Variants in REV3L observed in about 807,000 individuals in gnomAD.
The protein encoded by REV3L is REV3 like, DNA directed polymerase zeta catalytic subunit.
In REV3L, 69 loss-of-function variants were observed where a neutral mutation model predicts 299.4. That is an observed-to-expected ratio of 0.23 (90% CI 0.19 to 0.28). The LOEUF (loss-of-function observed/expected upper bound fraction) is 0.28. REV3L is among the 10% of genes least tolerant of loss of function. The pLI, the probability that REV3L is intolerant of heterozygous loss-of-function variation, is 1.00. For synonymous variants in REV3L, 1,238 were observed against 1,271.4 expected, an observed-to-expected ratio of 0.97 and a Z score of 0.56; for missense variants, 3,128 against 3,693.8, an observed-to-expected ratio of 0.85 and a Z score of 3.97.
intron 1 of REV3L, among the ~76,000 whole-genome samples, chr6:111,440,636 G>T (rs1440044680): frequency 6.6e-6 from 1 of 152,086 alleles, no homozygotes; most frequent in East Asian, 1.9e-4. Context: ...TATCAGTTAA[G>T]AACAAGAAAA....
At chr6:111,353,571 G>C (rs981080829) in intron 18 of REV3L, 11 of 152,116 alleles carry the variant, frequency 7.2e-5, no homozygotes, top group African/African-American at 2.7e-4. Flanking sequence ...CTTCAAACTT[G>C]TTAGGAGAAA....
intron 1 of REV3L, among the ~76,000 whole-genome samples, chr6:111,459,392 T>C (rs1174316726): frequency 6.6e-6 from 1 of 151,932 alleles, no homozygotes; most frequent in Non-Finnish European, 1.5e-5. Context: ...TATGGCTAAG[T>C]CCTCAAAAAC....
rs762770304 is a variant in REV3L, at chr6:111,482,922, G to A, written c.-34C>T. On this transcript the variant is annotated 5_prime_UTR_variant, in exon 1 of 32. Coordinates refer to ENST00000368802, the MANE Select transcript of REV3L (RefSeq NM_001372078.1). ...CCGCCGCCACTGCCTCCCTTCACTG[G>A]CGACCCGGCAGCGGCAGCAGCAGCG... The A allele has an allele frequency of 3.3e-6, 5 of 1,495,086 alleles. No individual in the cohort carries two copies. The South Asian group carries it at 6.8e-5, about 20-fold the overall frequency. 92.6% of individuals were successfully genotyped at this position (1,495,086 alleles called of 1,614,324 possible). A position where few individuals can be genotyped will look rare whatever the true frequency, so the allele number is the denominator to read the frequency against.
Position 111,381,462 on chromosome 6 carries a change from T to A in REV3L, c.1097-18A>T. ...AGTGTGACCTTAATTTGACAAAGAA[T>A]AAAAAAAATTGAAGCAATGGCCTAA... is the stretch of plus-strand genomic sequence containing the variant. On this transcript the variant is annotated intron_variant, in intron 9 of 31. Transcript: ENST00000368802. 6.3e-7 allele frequency: 1 copy of A among 1,585,420 alleles called. No homozygotes were observed. Among genetic ancestry groups the A allele is most frequent in the Admixed American group, 1.9e-5 (1 of 53,034 alleles).
At position 111,367,561 on chromosome 6, in the gene REV3L, G is replaced by A. The variant is rs757664419; in HGVS notation, c.6227C>T (p.Ala2076Val). Residue 2076 changes from alanine to valine, a missense_variant, in exon 14 of 32, where the codon GCT becomes GTT. Ala to Val is a moderately conservative substitution (Grantham distance 64). Coordinates refer to ENST00000368802, the MANE Select transcript of REV3L (RefSeq NM_001372078.1). ...TKEDVDNSQI[A>V]LQAPTTGCSQ... ...ACATCCCGTGGTTGGTGCTTGTAAA[G>A]CAATCTGAGAATTATCAACATCCTC... The A allele has an allele frequency of 2.5e-5, 41 of 1,613,732 alleles. No homozygotes were observed. Among genetic ancestry groups the A allele is most frequent in the Non-Finnish European group, 3.2e-5 (38 of 1,179,724 alleles).
chr6:111,377,394 T>C (rs184080531), intron 12 of REV3L, among the ~76,000 whole-genome samples: 1 of 152,296 alleles, frequency 6.6e-6, no homozygotes, highest in African/African-American at 2.4e-5. Flanking sequence ...TGGAATGCCA[T>C]GGAGCAATCA....
At chr6:111,403,440 T>C (rs1783295093) in intron 4 of REV3L, among the ~76,000 whole-genome samples, 1 of 152,240 alleles carries the variant, frequency 6.6e-6, no homozygotes, top group Non-Finnish European at 1.5e-5. Flanking sequence ...AATCTATTGG[T>C]GCCATTTTTA....
chr6:111,406,708 T>G (rs893560892), intron 3 of REV3L, among the ~76,000 whole-genome samples: 1 of 152,074 alleles, frequency 6.6e-6, no homozygotes, highest in African/African-American at 2.4e-5. Flanking sequence ...GGAAGAACTG[T>G]AAGAAAAATT....
intron 6 of REV3L, among the ~76,000 whole-genome samples, chr6:111,389,485 T>C (rs17539476): frequency 0.028 from 4,334 of 152,204 alleles, 75 homozygotes; most frequent in South Asian, 0.079. Flanking sequence ...ATATGAAAAT[T>C]AAGAAATTAA....
chr6:111,303,073 T>A (rs1443478419), intron 31 of REV3L, among the ~76,000 whole-genome samples: 2 of 152,078 alleles, frequency 1.3e-5, no homozygotes, highest in African/African-American at 4.8e-5. Flanking sequence ...CTTTTTTTTT[T>A]AGTTTGTAAT....
chr6:111,378,336 C>A (rs1562220864), intron 11 of REV3L, among the ~76,000 whole-genome samples: 2 of 152,176 alleles, frequency 1.3e-5, no homozygotes, highest in Non-Finnish European at 2.9e-5. Context: ...TTGGTATTAA[C>A]TTGATGTTTT....
chr6:111,299,984 A>C lies in REV3L; in HGVS notation c.*32T>G. On this transcript the variant is annotated 3_prime_UTR_variant, in exon 32 of 32. Coordinates refer to ENST00000368802, the MANE Select transcript of REV3L (RefSeq NM_001372078.1). ...CAGTTTAGTGGTAAGCACTGAAAAA[A>C]ATAGCACCTGTAATACTGTGATATT... The C allele has an allele frequency of 6.3e-7, 1 of 1,593,572 alleles. No individual in the cohort carries two copies. Among genetic ancestry groups the C allele is most frequent in the Non-Finnish European group, 8.5e-7 (1 of 1,171,280 alleles).
intron 1 of REV3L, among the ~76,000 whole-genome samples, chr6:111,468,123 A>C (rs557224487): frequency 1.3e-5 from 2 of 152,180 alleles, no homozygotes; most frequent in Non-Finnish European, 2.9e-5. Context: ...GGAAAAAATA[A>C]ATCAAAGACA....
At chr6:111,334,460 G>A (rs1775713182) in intron 22 of REV3L, among the ~76,000 whole-genome samples, 2 of 151,992 alleles carry the variant, frequency 1.3e-5, no homozygotes, top group East Asian at 3.8e-4. Flanking sequence ...TATTGAATGT[G>A]GCTTTTGTTG....
intron 10 of REV3L, among the ~76,000 whole-genome samples, chr6:111,380,696 G>A (rs2064699): frequency 0.031 from 4,708 of 152,332 alleles, 94 homozygotes; most frequent in Non-Finnish European, 0.049. Flanking sequence ...TTGATCCTTG[G>A]ACCACCTGCA....
At chr6:111,387,423 G>A (rs565739760) in intron 9 of REV3L, among the ~76,000 whole-genome samples, 2 of 152,112 alleles carry the variant, frequency 1.3e-5, no homozygotes, top group African/African-American at 4.8e-5. Context: ...TAAACTTCAA[G>A]CTGCTTAAAA....
At chr6:111,309,636 C>A in intron 30 of REV3L, 1 of 440,354 alleles carries the variant, frequency 2.3e-6, no homozygotes. Flanking sequence ...GCAGGAGTGC[C>A]TATCCTCACC....
chr6:111,307,354 A>G lies in REV3L; in HGVS notation c.9252+7T>C. ...TGTGATTCTGGGCCCATGGAACAAA[A>G]CTGTACCTTTACAAGTTGCTCCTGT... On this transcript the variant is annotated splice_region_variant and intron_variant, in intron 31 of 31. Coordinates refer to ENST00000368802, the MANE Select transcript of REV3L (RefSeq NM_001372078.1). 6.2e-7 allele frequency: 1 copy of G among 1,613,216 alleles called. No individual in the cohort carries two copies. The highest frequency in any genetic ancestry group is 8.5e-7 in the Non-Finnish European group (1 of 1,179,250).
At chr6:111,390,712 A>G (rs1253940521) in intron 5 of REV3L, among the ~76,000 whole-genome samples, 1 of 152,182 alleles carries the variant, frequency 6.6e-6, no homozygotes, top group Non-Finnish European at 1.5e-5. Context: ...TAACTACAGA[A>G]CTGATAAAAT....
Sources: gnomAD v4.1 joint callset for allele counts (sites outside exome capture counted in the v4.1 genomes callset) on GRCh38, gnomAD v4.1.1 for gene constraint, MANE v1.5 for transcripts, NCBI Gene and HGNC (gene_info 2026-07-23, HGNC 2026-07-21) for gene names.